The following EVI5 variants were observed in gnomAD, a reference collection of about 807,000 sequenced individuals.
EVI5 encodes the protein ecotropic viral integration site 5.
Under a neutral mutation model 112.0 loss-of-function variants are expected in EVI5, and 73 were observed. The ratio of observed to expected loss-of-function variants is 0.65; its 90% CI spans 0.54 to 0.79. The LOEUF is 0.79. Ranked by LOEUF, EVI5 falls within the 30% of genes least tolerant of loss-of-function variation. The probability of loss-of-function intolerance (pLI) is 0.00; values close to 1 mark genes in which losing one functional copy is unlikely to be tolerated. For missense variants in EVI5, 900 were observed against 968.8 expected, an observed-to-expected ratio of 0.93 and a Z score of 0.94; for synonymous variants, 305 against 319.9, an observed-to-expected ratio of 0.95 and a Z score of 0.50.
rs569268313 is a variant in EVI5, at chr1:92,593,471, TG to T, written c.2070+11835del. Among the ~76,000 whole-genome samples the T allele has an allele frequency of 3.1e-3, 473 of 152,338 alleles. 4 individuals carry two copies. The highest frequency in any genetic ancestry group is 0.011 in the African/African-American group (459 of 41,588). Reference sequence around the variant, plus strand: ...AACCCACAGCCAATATCATATTGAATGGGCAAAAACTGGAAGCATTCCCTTT... The same window carrying T: ...AACCCACAGCCAATATCATATTGAATGGCAAAAACTGGAAGCATTCCCTTT... On this transcript the variant is annotated intron_variant, in intron 18 of 19. Coordinates refer to ENST00000684568, the MANE Select transcript of EVI5 (RefSeq NM_001350197.2).
chr1:92,660,333 A>G (rs1014977632), intron 13 of EVI5, among the ~76,000 whole-genome samples: 3 of 152,072 alleles, frequency 2.0e-5, no homozygotes, highest in Non-Finnish European at 4.4e-5. Context: ...CAGAAAGACA[A>G]ATACCACATG....
chr1:92,571,977 C>A (rs1292686491), intron 18 of EVI5, among the ~76,000 whole-genome samples: 5 of 152,122 alleles, frequency 3.3e-5, no homozygotes, highest in Non-Finnish European at 7.4e-5. Flanking sequence ...TAAATACATA[C>A]GTTTTGTCAT....
At chr1:92,590,826 T>A (rs111818542) in intron 18 of EVI5, among the ~76,000 whole-genome samples, 14 of 151,910 alleles carry the variant, frequency 9.2e-5, no homozygotes, top group African/African-American at 3.4e-4. Context: ...TTCATCAAAG[T>A]TGAAATGAAG....
At chr1:92,790,780 A>C (rs6604024) in intron 1 of EVI5, among the ~76,000 whole-genome samples, 137,356 of 150,934 alleles carry the variant, frequency 0.91, 62,579 homozygotes, top group South Asian at 0.97. Context: ...CATCACGCCA[A>C]TGCACTGCAC....
intron 2 of EVI5, among the ~76,000 whole-genome samples, chr1:92,715,478 G>C (rs1025308533): frequency 1.3e-5 from 2 of 152,096 alleles, no homozygotes; most frequent in African/African-American, 4.8e-5. Flanking sequence ...AACAACTCTA[G>C]TAAGGAGGCG....
chr1:92,677,423 A>T (rs1390307625), intron 9 of EVI5, among the ~76,000 whole-genome samples: 1 of 152,242 alleles, frequency 6.6e-6, no homozygotes, highest in Non-Finnish European at 1.5e-5. Context: ...ACAAAAATAA[A>T]AACCACACAA....
intron 1 of EVI5, chr1:92,756,231 T>C (rs1680936135): frequency 2.3e-6 from 1 of 426,132 alleles, no homozygotes; most frequent in South Asian, 1.9e-5. Flanking sequence ...GGAATGGACC[T>C]CCGCCTTCCA....
chr1:92,719,397 C>A (rs1418912958), intron 2 of EVI5, among the ~76,000 whole-genome samples: 1 of 151,990 alleles, frequency 6.6e-6, no homozygotes, highest in Non-Finnish European at 1.5e-5. Context: ...TCAACATACA[C>A]AAATCAATAA....
At chr1:92,546,248 C>A (rs1384984432) in intron 19 of EVI5, among the ~76,000 whole-genome samples, 1 of 152,132 alleles carries the variant, frequency 6.6e-6, no homozygotes. Context: ...GAATTGGCAT[C>A]CTAAGGTCAC....
At chr1:92,547,205 T>C (rs28764836) in intron 19 of EVI5, among the ~76,000 whole-genome samples, 129,598 of 152,134 alleles carry the variant, frequency 0.85, 55,577 homozygotes, top group East Asian at 0.97. Flanking sequence ...CACTCAAAAC[T>C]GATCAACTAC....
chr1:92,603,934 A>C (rs1056328425), intron 18 of EVI5, among the ~76,000 whole-genome samples: 2 of 151,940 alleles, frequency 1.3e-5, no homozygotes, highest in African/African-American at 4.8e-5. Flanking sequence ...AGGGAGTCTC[A>C]CTTTGTTTGT....
intron 2 of EVI5, among the ~76,000 whole-genome samples, chr1:92,734,844 T>A (rs2145824): frequency 0.57 from 87,136 of 151,684 alleles, 26,766 homozygotes; most frequent in East Asian, 0.92. Flanking sequence ...AAATTTTTTT[T>A]TAAAAATCAA....
chr1:92,717,941 G>C (rs563254878), intron 2 of EVI5, among the ~76,000 whole-genome samples: 11 of 151,294 alleles, frequency 7.3e-5, no homozygotes, highest in African/African-American at 1.9e-4. Context: ...AAGATCAAAA[G>C]AGACAAAGAA....
At chr1:92,531,247 GAAAA>G (rs1252867358) in intron 19 of EVI5, among the ~76,000 whole-genome samples, 2 of 91,198 alleles carry the variant, frequency 2.2e-5, no homozygotes, top group Non-Finnish European at 5.0e-5. Flanking sequence ...AAAAGAGAGT[GAAAA>G]GAAACAAACA....
At chr1:92,770,459 T>G (rs1379163986) in intron 1 of EVI5, among the ~76,000 whole-genome samples, 2 of 152,226 alleles carry the variant, frequency 1.3e-5, no homozygotes, top group Non-Finnish European at 2.9e-5. Flanking sequence ...GTATAACTAC[T>G]GGGACAAGTA....
At chr1:92,678,422 C>T (rs1667086977) in intron 9 of EVI5, among the ~76,000 whole-genome samples, 1 of 151,940 alleles carries the variant, frequency 6.6e-6, no homozygotes, top group African/African-American at 2.4e-5. Context: ...GTTGCAGGTA[C>T]TCAGAGGCTG....
chr1:92,663,491 GAAAT>G, intron 11 of EVI5, 39 bp from the exon 12 acceptor site: 2 of 1,038,834 alleles, frequency 1.9e-6, no homozygotes, highest in Non-Finnish European at 2.7e-6. Flanking sequence ...ATAAGAGAAA[GAAAT>G]AAAAGTGATA....
chr1:92,725,203 G>C (rs563307674), intron 2 of EVI5, among the ~76,000 whole-genome samples: 2 of 152,242 alleles, frequency 1.3e-5, no homozygotes, highest in South Asian at 4.1e-4. Context: ...CATGGCCAGA[G>C]AATCAACCAC....
At chr1:92,640,112 T>C (rs566445803) in intron 13 of EVI5, among the ~76,000 whole-genome samples, 2 of 152,250 alleles carry the variant, frequency 1.3e-5, no homozygotes, top group Admixed American at 6.5e-5. Flanking sequence ...AAAAATTTAC[T>C]CAAGATGGAT....
Sources: allele counts gnomAD v4.1 joint callset (sites outside exome capture counted in the v4.1 genomes callset), GRCh38; gene constraint gnomAD v4.1.1; transcripts MANE v1.5; gene names NCBI Gene and HGNC (gene_info 2026-07-23, HGNC 2026-07-21).